Variants in NPAS3 observed in about 807,000 individuals in gnomAD.
The protein encoded by NPAS3 is neuronal PAS domain-containing protein 3.
Under a neutral mutation model 73.1 loss-of-function variants are expected in NPAS3, and 14 were observed. The observed-to-expected ratio is 0.19, with a 90% CI of 0.13 to 0.30. NPAS3 has a LOEUF of 0.30. Among genes scored for constraint, NPAS3 ranks in the 10% least tolerant of loss-of-function variants. NPAS3 has a pLI of 1.00. For missense variants in NPAS3, 1,096 were observed against 1,250.0 expected (o/e 0.88, Z 1.86); for synonymous variants, 620 against 541.5 (o/e 1.14, Z -2.01).
chr14:33,095,035 G>C (rs183030442), intron 2 of NPAS3, among the ~76,000 whole-genome samples: 3 of 152,326 alleles, frequency 2.0e-5, no homozygotes, highest in Non-Finnish European at 4.4e-5. Context: ...TTTATTTCAA[G>C]TTGGCAAAAA....
Position 33,694,969 on chromosome 14 carries a change from C to T in NPAS3, c.733+18584C>T, listed in dbSNP as rs189115249. On this transcript the variant is annotated intron_variant, in intron 6 of 11. Transcript: ENST00000356141. ...TGATGCCCTTGATAGCTTCTAAAGG[C>T]CTTGCAAAGAAAAATATTGCCTGGC... Among the ~76,000 whole-genome samples the T allele has an allele frequency of 1.6e-3, 238 of 152,214 alleles. 1 individual carries two copies. The highest frequency in any genetic ancestry group is 1.7e-3 in the Non-Finnish European group (117 of 67,996).
chr14:33,106,163 C>T (rs2042717147), intron 2 of NPAS3, among the ~76,000 whole-genome samples: 1 of 152,044 alleles, frequency 6.6e-6, no homozygotes, highest in South Asian at 2.1e-4. Context: ...CAAATTCATC[C>T]AATATAGACT....
chr14:33,160,329 T>C (rs2044817980), intron 2 of NPAS3, among the ~76,000 whole-genome samples: 1 of 152,124 alleles, frequency 6.6e-6, no homozygotes, highest in Non-Finnish European at 1.5e-5. Flanking sequence ...AGTTTTGAGA[T>C]ATTAAGACCA....
intron 2 of NPAS3, among the ~76,000 whole-genome samples, chr14:33,125,919 A>T (rs2043409553): frequency 6.6e-6 from 1 of 152,180 alleles, no homozygotes; most frequent in African/African-American, 2.4e-5. Context: ...ATTAATACAG[A>T]TTATTTCCAA....
chr14:33,094,757 C>T (rs182433295), intron 2 of NPAS3, among the ~76,000 whole-genome samples: 12 of 152,218 alleles, frequency 7.9e-5, no homozygotes, highest in South Asian at 2.1e-4. Context: ...TGAGCCACCG[C>T]GCCAGGCTGA....
intron 5 of NPAS3, among the ~76,000 whole-genome samples, chr14:33,584,756 A>T (rs890210879): frequency 6.6e-6 from 1 of 152,198 alleles, no homozygotes; most frequent in Non-Finnish European, 1.5e-5. Context: ...AGTACCTCCC[A>T]TGTCATCACA....
chr14:33,791,960 T>C (rs1307048868), intron 9 of NPAS3, among the ~76,000 whole-genome samples: 2 of 152,178 alleles, frequency 1.3e-5, no homozygotes, highest in Non-Finnish European at 2.9e-5. Flanking sequence ...CAACCACTGA[T>C]TGGGGTGCTG....
chr14:33,098,332 A>G (rs1209734273), intron 2 of NPAS3, among the ~76,000 whole-genome samples: 1 of 152,208 alleles, frequency 6.6e-6, no homozygotes, highest in African/African-American at 2.4e-5. Flanking sequence ...CAGATTTAGT[A>G]TAGGATTGTA....
chr14:33,266,111 C>A (rs2040805983), intron 3 of NPAS3, among the ~76,000 whole-genome samples: 2 of 152,014 alleles, frequency 1.3e-5, no homozygotes, highest in South Asian at 4.1e-4. Context: ...AGTGTGATGT[C>A]CTTTGGGGAA....
chr14:32,943,640 T>A (rs115656105), intron 1 of NPAS3, among the ~76,000 whole-genome samples: 1,909 of 152,134 alleles, frequency 0.013, 35 homozygotes, highest in African/African-American at 0.043. Flanking sequence ...TCTTAAGCAG[T>A]AGGTCTTCAT....
intron 9 of NPAS3, among the ~76,000 whole-genome samples, chr14:33,786,528 T>G (rs2063179622): frequency 6.6e-6 from 1 of 152,212 alleles, no homozygotes; most frequent in South Asian, 2.1e-4. Context: ...CCTAATCAGA[T>G]TAACTGCTTC....
chr14:33,617,896 T>C (rs138144916), intron 5 of NPAS3, among the ~76,000 whole-genome samples: 2 of 151,920 alleles, frequency 1.3e-5, no homozygotes, highest in African/African-American at 4.8e-5. Context: ...TCAAGATTAC[T>C]GAGCAGTTAA....
At chr14:33,327,904 A>G (rs1032947028) in intron 3 of NPAS3, among the ~76,000 whole-genome samples, 4 of 152,226 alleles carry the variant, frequency 2.6e-5, no homozygotes, top group African/African-American at 9.6e-5. Context: ...TAGTATAATT[A>G]TGAGTCCACC....
chr14:32,960,497 C>G (rs2036865545), intron 1 of NPAS3, among the ~76,000 whole-genome samples: 1 of 152,096 alleles, frequency 6.6e-6, no homozygotes, highest in Non-Finnish European at 1.5e-5. Flanking sequence ...ACCAAGAACA[C>G]CACAGTGGAA....
intron 2 of NPAS3, among the ~76,000 whole-genome samples, chr14:33,131,983 C>T (rs1160777154): frequency 6.6e-6 from 1 of 151,996 alleles, no homozygotes; most frequent in Non-Finnish European, 1.5e-5. Context: ...GGAGATGGGG[C>T]TGAACAGGTG....
At chr14:33,092,916 A>G (rs1048073420) in intron 2 of NPAS3, among the ~76,000 whole-genome samples, 2 of 152,238 alleles carry the variant, frequency 1.3e-5, no homozygotes, top group African/African-American at 4.8e-5. Context: ...GACTAGTCAT[A>G]TATGTAAAGC....
intron 2 of NPAS3, among the ~76,000 whole-genome samples, chr14:33,126,711 C>G (rs1210659539): frequency 6.6e-6 from 1 of 151,974 alleles, no homozygotes; most frequent in Non-Finnish European, 1.5e-5. Context: ...CAGCTCATGC[C>G]CTTGTTCTAC....
chr14:33,138,205 TC>T (rs1267070114), intron 2 of NPAS3, among the ~76,000 whole-genome samples: 1 of 73,426 alleles, frequency 1.4e-5, no homozygotes, highest in Non-Finnish European at 2.8e-5. Flanking sequence ...CCCTCCCCCC[TC>T]CCCCCACCTC....
intron 10 of NPAS3, among the ~76,000 whole-genome samples, chr14:33,796,383 T>C (rs1044981632): frequency 1.1e-4 from 16 of 152,204 alleles, no homozygotes; most frequent in African/African-American, 2.4e-5. Context: ...TAGAGAAAGC[T>C]TTGCTGCTGA....
Sources: gnomAD v4.1 joint callset for allele counts (sites outside exome capture counted in the v4.1 genomes callset) on GRCh38, gnomAD v4.1.1 for gene constraint, MANE v1.5 for transcripts, NCBI Gene and HGNC (gene_info 2026-07-23, HGNC 2026-07-21) for gene names.